MAML2: variants seen among roughly 807,000 people sequenced by gnomAD.
MAML2 encodes mastermind like transcriptional coactivator 2, also known as mastermind-like protein 2.
MAML2 carries 22 observed loss-of-function variants against 96.1 expected under a neutral mutation model. The observed-to-expected ratio is 0.23, with a 90% confidence interval of 0.16 to 0.33. MAML2 has a LOEUF of 0.33. Among genes scored for constraint, MAML2 ranks in the 10% least tolerant of loss-of-function variants. MAML2 has a pLI of 1.00. For missense variants in MAML2, 1,367 were observed against 1,392.4 expected, an observed-to-expected ratio of 0.98 and a Z score of 0.29; for synonymous variants, 561 against 521.3, an observed-to-expected ratio of 1.08 and a Z score of -1.04.
intron 1 of MAML2, among the ~76,000 whole-genome samples, chr11:96,126,811 G>A (rs914062486): frequency 2.6e-5 from 4 of 152,128 alleles, no homozygotes; most frequent in Non-Finnish European, 2.9e-5. Context: ...GTTCTCATGC[G>A]CTGGACACCT....
intron 2 of MAML2, among the ~76,000 whole-genome samples, chr11:96,001,543 T>C (rs571749035): frequency 1.3e-5 from 2 of 152,222 alleles, no homozygotes; most frequent in Non-Finnish European, 1.5e-5. Context: ...CAAACACATA[T>C]ACAACTAATA....
chr11:95,991,819 T>TC, intron 2 of MAML2, 96 bp from the exon 3 acceptor site: 1 of 931,448 alleles, frequency 1.1e-6, no homozygotes, highest in Non-Finnish European at 1.7e-6. Context: ...ACATTTTTCA[T>TC]CTTATTAAAG....
intron 1 of MAML2, among the ~76,000 whole-genome samples, chr11:96,315,886 T>C (rs914951000): frequency 6.6e-6 from 1 of 152,210 alleles, no homozygotes; most frequent in Non-Finnish European, 1.5e-5. Flanking sequence ...ACTAATTTTT[T>C]CCCAATGGTC....
At position 96,051,941 on chromosome 11, in the gene MAML2, A is replaced by G. The variant is rs567446603; in HGVS notation, c.2139+39951T>C. 2.0e-5 allele frequency among the ~76,000 whole-genome samples: 3 copies of G among 152,316 alleles called. No homozygotes were observed. In the South Asian group the frequency reaches 6.2e-4, roughly 32 times the overall value. ...ATTAGGCAGAAGTGAGCATTGTGGC[A>G]TTGTATGTCTTCAAGGATTCCGTTT... On this transcript the variant is annotated intron_variant, in intron 2 of 4. Transcript: ENST00000524717.
In MAML2 at chr11:95,976,900, A is replaced by C. The variant is rs1280265319; in HGVS notation, c.*2048T>G. On this transcript the variant is annotated 3_prime_UTR_variant, in exon 5 of 5. Transcript: ENST00000524717. ...GCTGCCTTATAAAATCGGAAAACAC[A>C]CAGTAGACTACATGCAACAAGGACC... 1 of 190,344 alleles carries C rather than the reference A, an allele frequency of 5.3e-6. No individual in the cohort carries two copies. Among genetic ancestry groups the C allele is most frequent in the Non-Finnish European group, 1.1e-5 (1 of 90,798 alleles). 11.8% of individuals were successfully genotyped at this position (190,344 alleles called of 1,614,324 possible).
intron 1 of MAML2, among the ~76,000 whole-genome samples, chr11:96,147,221 T>A (rs754090691): frequency 6.6e-6 from 1 of 152,206 alleles, no homozygotes; most frequent in Non-Finnish European, 1.5e-5. Flanking sequence ...TTCTATAAGA[T>A]GAGTGATGTG....
chr11:96,325,112 G>T (rs1863756807), intron 1 of MAML2, among the ~76,000 whole-genome samples: 1 of 152,062 alleles, frequency 6.6e-6, no homozygotes, highest in Non-Finnish European at 1.5e-5. Flanking sequence ...ATTCTTTCTA[G>T]GGGAGTCATT....
At chr11:95,989,890 G>A (rs910414554) in intron 3 of MAML2, among the ~76,000 whole-genome samples, 1 of 152,052 alleles carries the variant, frequency 6.6e-6, no homozygotes, top group Non-Finnish European at 1.5e-5. Context: ...TCCTTTAAAA[G>A]TGTGGTTGTT....
intron 1 of MAML2, among the ~76,000 whole-genome samples, chr11:96,201,788 G>A (rs1311594335): frequency 3.3e-5 from 5 of 151,478 alleles, no homozygotes; most frequent in Admixed American, 6.6e-5. Flanking sequence ...GCGTGGTGGC[G>A]GGCACCTGTA....
At chr11:96,241,685 T>C (rs1013582485) in intron 1 of MAML2, among the ~76,000 whole-genome samples, 8 of 152,200 alleles carry the variant, frequency 5.3e-5, no homozygotes, top group African/African-American at 1.9e-4. Context: ...CCTGGGACAG[T>C]GTTGATTGCG....
intron 1 of MAML2, among the ~76,000 whole-genome samples, chr11:96,117,256 T>C (rs1321101898): frequency 6.6e-6 from 1 of 151,690 alleles, no homozygotes; most frequent in Non-Finnish European, 1.5e-5. Flanking sequence ...CTGGACTCCT[T>C]GACATACCCA....
chr11:96,212,160 A>G (rs552563161), intron 1 of MAML2, among the ~76,000 whole-genome samples: 2 of 130,580 alleles, frequency 1.5e-5, no homozygotes, highest in East Asian at 4.6e-4. Flanking sequence ...TGGAAGGGGG[A>G]CTCGTAATCT....
At chr11:96,252,868 T>A (rs78516030) in intron 1 of MAML2, among the ~76,000 whole-genome samples, 2,342 of 152,246 alleles carry the variant, frequency 0.015, 66 homozygotes, top group African/African-American at 0.053. Flanking sequence ...GCAGTTTAAT[T>A]GTCTCCATTT....
intron 2 of MAML2, among the ~76,000 whole-genome samples, chr11:96,033,713 G>A (rs1043908301): frequency 2.6e-5 from 4 of 152,146 alleles, no homozygotes; most frequent in Middle Eastern, 3.2e-3. Context: ...ACCCTGGGTC[G>A]CGTCTGGGAA....
intron 1 of MAML2, among the ~76,000 whole-genome samples, chr11:96,252,172 T>TACACACACACA (rs1333313977): frequency 1.1e-4 from 16 of 151,192 alleles, no homozygotes; most frequent in African/African-American, 3.9e-4. Flanking sequence ...CTTCTCTCTC[T>TACACACACACA]CTACACACAC....
intron 2 of MAML2, among the ~76,000 whole-genome samples, chr11:96,063,954 T>C (rs1247985838): frequency 6.6e-6 from 1 of 151,442 alleles, no homozygotes; most frequent in Non-Finnish European, 1.5e-5. Flanking sequence ...TGATTAGAAG[T>C]GAGATGAGTT....
At chr11:96,321,285 C>T (rs944506021) in intron 1 of MAML2, among the ~76,000 whole-genome samples, 4 of 152,138 alleles carry the variant, frequency 2.6e-5, no homozygotes, top group African/African-American at 9.7e-5. Flanking sequence ...TAAGAATTTG[C>T]CTAACACTAC....
At chr11:96,100,998 G>T (rs1241589609) in intron 1 of MAML2, among the ~76,000 whole-genome samples, 1 of 151,998 alleles carries the variant, frequency 6.6e-6, no homozygotes, top group African/African-American at 2.4e-5. Flanking sequence ...CTCCTGCCTT[G>T]ATCTCCCAAA....
chr11:96,097,569 G>A (rs77774900), intron 1 of MAML2, among the ~76,000 whole-genome samples: 10,151 of 152,190 alleles, frequency 0.067, 476 homozygotes, highest in Non-Finnish European at 0.1. Context: ...CTACCAATTA[G>A]GCATGGGACA....
Sources: gnomAD v4.1 joint callset for allele counts (sites outside exome capture counted in the v4.1 genomes callset) on GRCh38, gnomAD v4.1.1 for gene constraint, MANE v1.5 for transcripts, NCBI Gene and HGNC (gene_info 2026-07-23, HGNC 2026-07-21) for gene names.